Variants in NCMAP observed in about 807,000 individuals in gnomAD.
NCMAP encodes non-compact myelin associated protein, also known as noncompact myelin-associated protein.
Under a neutral mutation model 7.8 loss-of-function variants are expected in NCMAP, and 8 were observed. That is an observed-to-expected ratio of 1.02 (90% CI 0.60 to 1.84). NCMAP has a LOEUF of 1.84. NCMAP is among the 40% of genes most tolerant of loss of function. The pLI is 0.00. For missense variants in NCMAP, 112 were observed against 131.4 expected, an observed-to-expected ratio of 0.85 and a Z score of 0.72; for synonymous variants, 41 against 52.9, an observed-to-expected ratio of 0.78 and a Z score of 0.98.
At chr1:24,564,522 AAAAAAAAAAAC>A (rs1323658735) in intron 1 of NCMAP, among the ~76,000 whole-genome samples, 5 of 148,394 alleles carry the variant, frequency 3.4e-5, no homozygotes, top group African/African-American at 7.4e-5. Flanking sequence ...TCAAAAAAAA[AAAAAAAAAAAC>A]AAAAAAAAAC....
chr1:24,580,398 C>T lies in NCMAP; in HGVS notation c.-7-15026C>T, dbSNP rs181602406. Among the ~76,000 whole-genome samples, 303 of 151,970 alleles carry T rather than the reference C, an allele frequency of 2.0e-3. 2 individuals carry two copies. Among genetic ancestry groups the T allele is most frequent in the Admixed American group, 0.018 (274 of 15,262 alleles). ...TGGAGGAGGCCCACAGTGGTGAGGACGGAGGGAAGGGGTGGAGGGGGGCAG... is the reference window on the plus strand; with the variant it reads ...TGGAGGAGGCCCACAGTGGTGAGGATGGAGGGAAGGGGTGGAGGGGGGCAG... On this transcript the variant is annotated intron_variant, in intron 1 of 3. Coordinates refer to ENST00000374392, the MANE Select transcript of NCMAP (RefSeq NM_001010980.5).
intron 1 of NCMAP, among the ~76,000 whole-genome samples, chr1:24,572,814 A>AGGATGGGTGCTGCCTG (rs1284920079): frequency 6.6e-6 from 1 of 150,716 alleles, no homozygotes; most frequent in East Asian, 1.9e-4. Context: ...CACGTCAAGG[A>AGGATGGGTGCTGCCTG]GCGGGCAGGA....
intron 1 of NCMAP, among the ~76,000 whole-genome samples, chr1:24,578,156 T>G (rs967603243): frequency 2.7e-5 from 4 of 148,598 alleles, no homozygotes; most frequent in South Asian, 2.1e-4. Flanking sequence ...TCCCAGCTAC[T>G]CAGGAGGCTG....
rs1319662535 is a variant in NCMAP at position 24,606,264 on chromosome 1, C to T, written c.*517C>T. Reference sequence around the variant, plus strand: ...CGTATAACTTGTTCCAGTACTACATCTCTGCCTGCTGGCTCATGACAATTG... The same window carrying T: ...CGTATAACTTGTTCCAGTACTACATTTCTGCCTGCTGGCTCATGACAATTG... On this transcript the variant is annotated 3_prime_UTR_variant, in exon 4 of 4. Transcript: ENST00000374392. 1 of 152,656 alleles carries T rather than the reference C, an allele frequency of 6.6e-6. No homozygotes were observed. The highest frequency in any genetic ancestry group is 6.5e-5 in the Admixed American group (1 of 15,312). 9.5% of individuals were successfully genotyped at this position (152,656 alleles called of 1,614,324 possible).
chr1:24,606,030 G>C lies in NCMAP; in HGVS notation c.*283G>C. ...TTGGGAATCCACCAATGTGGGCTTG[G>C]CTTTCCCCCACACTGTAGTTAGACA... On this transcript the variant is annotated 3_prime_UTR_variant, in exon 4 of 4. Transcript: ENST00000374392. 2.5e-6 allele frequency: 1 copy of C among 395,546 alleles called. No individual in the cohort carries two copies. The highest frequency in any genetic ancestry group is 4.5e-5 in the East Asian group (1 of 22,268). The allele number at this position is 395,546 out of a possible 1,614,324, so 24.5% of individuals were successfully genotyped here. A position where few individuals can be genotyped will look rare whatever the true frequency, so the allele number is the denominator to read the frequency against.
In NCMAP at chr1:24,576,063, G is replaced by A. The variant is rs12132966; in HGVS notation, c.-7-19361G>A. Among the ~76,000 whole-genome samples the A allele has an allele frequency of 0.19, 28,620 of 151,772 alleles. 2,902 individuals are homozygous for A. The highest frequency in any genetic ancestry group is 0.23 in the Non-Finnish European group (15,729 of 67,932). On this transcript the variant is annotated intron_variant, in intron 1 of 3. Transcript: ENST00000374392. The surrounding 1 kb of genome is among the most constrained non-coding windows in gnomAD (Gnocchi z 4.0). ...CCTCTCTGCACAGCCGCATTGCCCC[G>A]TCCAGAGCTTCTCCTGCCCTCCCTC...
intron 1 of NCMAP, among the ~76,000 whole-genome samples, chr1:24,562,147 G>A (rs1162988745): frequency 2.0e-5 from 3 of 152,156 alleles, no homozygotes; most frequent in Non-Finnish European, 4.4e-5. Context: ...TTTGCCCAGA[G>A]GATGAAAAGC....
chr1:24,592,866 C>A (rs1422250711), intron 1 of NCMAP, among the ~76,000 whole-genome samples: 1 of 152,072 alleles, frequency 6.6e-6, no homozygotes, highest in East Asian at 1.9e-4. Flanking sequence ...TTGCAGTGAG[C>A]CGTGATCATG....
intron 1 of NCMAP, among the ~76,000 whole-genome samples, chr1:24,587,470 T>A (rs756898842): frequency 2.6e-5 from 4 of 152,134 alleles, no homozygotes; most frequent in Non-Finnish European, 5.9e-5. Flanking sequence ...TCGGTGAAAG[T>A]TTGAATTGAA....
chr1:24,597,863 C>T (rs1056352209), intron 2 of NCMAP, among the ~76,000 whole-genome samples: 1 of 151,730 alleles, frequency 6.6e-6, no homozygotes, highest in Non-Finnish European at 1.5e-5. Context: ...TGTACTTATA[C>T]TAAAACGGTA....
intron 1 of NCMAP, among the ~76,000 whole-genome samples, chr1:24,560,578 C>T (rs1246534175): frequency 1.3e-5 from 2 of 152,152 alleles, no homozygotes; most frequent in African/African-American, 4.8e-5. Flanking sequence ...GACCCTGTCT[C>T]TACAAATAAC....
chr1:24,604,841 A>G (rs113318465), intron 3 of NCMAP, among the ~76,000 whole-genome samples: 7,986 of 150,748 alleles, frequency 0.053, 731 homozygotes, highest in African/African-American at 0.18. Flanking sequence ...TTGGCTGGGC[A>G]TGGTGGCTCA....
chr1:24,602,162 T>C (rs1570541988), intron 3 of NCMAP, among the ~76,000 whole-genome samples: 1 of 152,026 alleles, frequency 6.6e-6, no homozygotes, highest in Non-Finnish European at 1.5e-5. Context: ...ATCATACACA[T>C]AGGTTACCCA....
rs372692940 is a variant in NCMAP, at chr1:24,571,992, C to T, written c.-8+15823C>T. 9.4e-4 allele frequency among the ~76,000 whole-genome samples: 142 copies of T among 151,064 alleles called. 9 individuals carry two copies. Among genetic ancestry groups the T allele is most frequent in the African/African-American group, 2.6e-3 (106 of 40,318 alleles). Reference sequence around the variant, plus strand: ...AATACATTGTAACTCACAGCAGCCACATTTCCGAGGCTCAAATAGCCATGC... The same window carrying T: ...AATACATTGTAACTCACAGCAGCCATATTTCCGAGGCTCAAATAGCCATGC... On this transcript the variant is annotated intron_variant, in intron 1 of 3. Transcript: ENST00000374392.
intron 1 of NCMAP, among the ~76,000 whole-genome samples, chr1:24,571,743 G>A (rs761411514): frequency 1.3e-5 from 2 of 149,686 alleles, no homozygotes; most frequent in African/African-American, 2.5e-5. Context: ...GCGCCACCAC[G>A]CCTGGCTAAT....
At chr1:24,562,134 T>C (rs1482141082) in intron 1 of NCMAP, among the ~76,000 whole-genome samples, 3 of 152,254 alleles carry the variant, frequency 2.0e-5, no homozygotes, top group Admixed American at 1.3e-4. Flanking sequence ...TAAGGGTAAC[T>C]GGTTTGCCCA....
intron 1 of NCMAP, among the ~76,000 whole-genome samples, chr1:24,592,151 A>G (rs914656521): frequency 1.1e-4 from 16 of 152,222 alleles, no homozygotes; most frequent in Non-Finnish European, 2.2e-4. Flanking sequence ...CTGTCACAGC[A>G]GTTTGGCAGA....
chr1:24,578,996 C>T (rs1474351108), intron 1 of NCMAP, among the ~76,000 whole-genome samples: 1 of 152,104 alleles, frequency 6.6e-6, no homozygotes, highest in Non-Finnish European at 1.5e-5. Flanking sequence ...GCTGACAGAA[C>T]CTCCCCCACC....
intron 3 of NCMAP, among the ~76,000 whole-genome samples, chr1:24,602,342 A>AG (rs1652529429): frequency 1.4e-3 from 192 of 137,696 alleles, no homozygotes; most frequent in African/African-American, 6.5e-3. Flanking sequence ...CAGCACTTTG[A>AG]GAGGCCGAGG....
Sources: gnomAD v4.1 joint callset for allele counts (sites outside exome capture counted in the v4.1 genomes callset) on GRCh38, gnomAD v4.1.1 for gene constraint, Gnocchi (gnomAD v3.1) non-coding constraint, MANE v1.5 for transcripts, NCBI Gene and HGNC (gene_info 2026-07-23, HGNC 2026-07-21) for gene names.